The following PSMA1 variants were observed in gnomAD, a reference collection of about 807,000 sequenced individuals.
The protein encoded by PSMA1 is proteasome 20S subunit alpha 1.
A neutral mutation model predicts 38.4 loss-of-function variants in PSMA1; 3 were observed. The observed-to-expected ratio is 0.08, with a 90% CI of 0.04 to 0.20. The LOEUF (loss-of-function observed/expected upper bound fraction) is 0.20. PSMA1 is among the 10% of genes least tolerant of loss of function. The pLI is 1.00. For missense variants in PSMA1, 227 were observed against 325.3 expected, an observed-to-expected ratio of 0.70 and a Z score of 2.32; for synonymous variants, 101 against 107.1, an observed-to-expected ratio of 0.94 and a Z score of 0.35.
At chr11:14,606,598 A>G (rs116818343) in intron 2 of PSMA1, among the ~76,000 whole-genome samples, 1 of 152,222 alleles carries the variant, frequency 6.6e-6, no homozygotes, top group East Asian at 1.9e-4. Flanking sequence ...CAGTAATTGG[A>G]TGTTTCTAAT....
At chr11:14,607,865 G>A (rs564636117) in intron 2 of PSMA1, among the ~76,000 whole-genome samples, 136 of 152,292 alleles carry the variant, frequency 8.9e-4, no homozygotes, top group African/African-American at 3.2e-3. Context: ...GTCATCTTCA[G>A]TCATTGGTAG....
chr11:14,583,403 C>G (rs559534061), intron 2 of PSMA1, among the ~76,000 whole-genome samples: 1 of 152,162 alleles, frequency 6.6e-6, no homozygotes, highest in African/African-American at 2.4e-5. Context: ...GAGATGCAGA[C>G]GAGTGCCTTC....
At chr11:14,558,182 G>C (rs1216247431) in intron 2 of PSMA1, among the ~76,000 whole-genome samples, 1 of 150,632 alleles carries the variant, frequency 6.6e-6, no homozygotes, top group Non-Finnish European at 1.5e-5. Flanking sequence ...GGAGGCCACG[G>C]TGGGGGGACT....
intron 1 of PSMA1, among the ~76,000 whole-genome samples, chr11:14,638,427 A>C (rs1853137440): frequency 6.7e-6 from 1 of 149,292 alleles, no homozygotes; most frequent in Non-Finnish European, 1.5e-5. Flanking sequence ...GATGATGCTA[A>C]TGAACTAGAT....
chr11:14,565,569 G>A (rs1269861414), intron 2 of PSMA1, among the ~76,000 whole-genome samples: 1 of 152,112 alleles, frequency 6.6e-6, no homozygotes, highest in African/African-American at 2.4e-5. Context: ...AAGCCTTAGT[G>A]TATCTGCTAT....
intron 2 of PSMA1, among the ~76,000 whole-genome samples, chr11:14,571,996 G>A (rs192317596): frequency 1.3e-5 from 2 of 152,290 alleles, no homozygotes; most frequent in African/African-American, 4.8e-5. Flanking sequence ...CAATACAGGA[G>A]CACCCAGATT....
Position 14,616,231 on chromosome 11 carries a change from G to GTTTTTTTTTTTTTTTTTTTT in PSMA1, c.-165-5100_-165-5081dup, listed in dbSNP as rs34292683. ...AGGTGAGAGTTGGAGGATCCCAACA[G>GTTTTTTTTTTTTTTTTTTTT]TTTTTTTTTTTTTTTTTTTTGAGAC... On this transcript the variant is annotated intron_variant, in intron 1 of 10. Coordinates refer to the PSMA1 transcript ENST00000418988. Among the ~76,000 whole-genome samples the GTTTTTTTTTTTTTTTTTTTT allele has an allele frequency of 7.9e-5, 10 of 126,686 alleles. 1 individual carries two copies. The highest frequency in any genetic ancestry group is 8.3e-5 in the Non-Finnish European group (5 of 60,256). 83.1% of individuals were successfully genotyped at this position (126,686 alleles called of 152,430 possible).
At chr11:14,524,584 G>A (rs538118877), upstream of PSMA1, among the ~76,000 whole-genome samples, 30 of 152,046 alleles carry the variant, frequency 2.0e-4, no homozygotes, top group African/African-American at 3.4e-4. Flanking sequence ...TCCACCACCC[G>A]TTGCTGACTC....
chr11:14,526,070 T>C (rs1851582918), intron 2 of PSMA1, among the ~76,000 whole-genome samples: 2 of 152,142 alleles, frequency 1.3e-5, no homozygotes, highest in African/African-American at 4.8e-5. Context: ...TAACTCTTCA[T>C]AAAAACACAC....
intron 1 of PSMA1, among the ~76,000 whole-genome samples, chr11:14,614,886 T>C (rs1248772735): frequency 1.3e-5 from 2 of 152,234 alleles, no homozygotes; most frequent in Non-Finnish European, 1.5e-5. Context: ...GATCTTTTTC[T>C]AACTTAAACT....
intron 4 of PSMA1, among the ~76,000 whole-genome samples, 184 bp from the exon 5 acceptor site, chr11:14,514,675 T>A (rs550137483): frequency 1.6e-4 from 24 of 151,712 alleles, no homozygotes; most frequent in African/African-American, 5.8e-4. Flanking sequence ...TGGAGCCACA[T>A]AAGGTTTTTA....
chr11:14,562,364 C>T (rs1041593176), intron 2 of PSMA1, among the ~76,000 whole-genome samples: 1 of 152,196 alleles, frequency 6.6e-6, no homozygotes, highest in Non-Finnish European at 1.5e-5. Context: ...GTCTCTGTGT[C>T]TTGCAAACCA....
At chr11:14,561,830 TAAAC>T (rs1589993073) in intron 2 of PSMA1, among the ~76,000 whole-genome samples, 1 of 150,918 alleles carries the variant, frequency 6.6e-6, no homozygotes, top group East Asian at 1.9e-4. Flanking sequence ...TAAACTAAAC[TAAAC>T]TAAACTAAAC....
rs979565715 is a variant in PSMA1, at chr11:14,520,129, G to A, written c.3+168C>T. 3 of 1,099,954 alleles carry A rather than the reference G, an allele frequency of 2.7e-6. No individual in the cohort carries two copies. In the African/African-American group the frequency reaches 4.7e-5, roughly 17 times the overall value. The allele number at this position is 1,099,954 out of a possible 1,614,324, so 68.1% of individuals were successfully genotyped here. A position where few individuals can be genotyped will look rare whatever the true frequency, so the allele number is the denominator to read the frequency against. ...CCGCACTGGCTACCGATAACCCCTA[G>A]CCCGGCCAGGCCGGAGATGCTGAAT... On this transcript the variant is annotated intron_variant, in intron 1 of 9. Transcript: ENST00000396394.
At chr11:14,561,091 A>AAAAGG (rs1402031024) in intron 2 of PSMA1, among the ~76,000 whole-genome samples, 1 of 152,222 alleles carries the variant, frequency 6.6e-6, no homozygotes, top group Non-Finnish European at 1.5e-5. Context: ...CGTTGCTTAG[A>AAAAGG]AAAGGAGAAA....
intron 2 of PSMA1, among the ~76,000 whole-genome samples, chr11:14,600,473 G>GCTGCTGTCTCGCAGATCAATCTCAGA (rs1565055221): frequency 1.3e-5 from 2 of 152,326 alleles, no homozygotes; most frequent in East Asian, 3.9e-4. Context: ...CCCGAGCCAG[G>GCTGCTGTCTCGCAGATCAATCTCAGA]CTGCTGTCTC....
At chr11:14,526,750 G>A (rs1240928712) in intron 2 of PSMA1, among the ~76,000 whole-genome samples, 1 of 152,036 alleles carries the variant, frequency 6.6e-6, no homozygotes, top group African/African-American at 2.4e-5. Flanking sequence ...TGATGCACCT[G>A]ACATTCACTC....
intron 2 of PSMA1, among the ~76,000 whole-genome samples, chr11:14,566,834 T>C (rs1009010857): frequency 6.6e-6 from 1 of 152,006 alleles, no homozygotes; most frequent in Admixed American, 6.6e-5. Context: ...ACATAAATGA[T>C]AGAAGATAAC....
intron 2 of PSMA1, among the ~76,000 whole-genome samples, chr11:14,540,484 C>T (rs1288412213): frequency 6.6e-6 from 1 of 152,120 alleles, no homozygotes; most frequent in African/African-American, 2.4e-5. Context: ...TCAAAAAAGC[C>T]CTTCATTTCT....
Sources: gnomAD v4.1 joint callset for allele counts (sites outside exome capture counted in the v4.1 genomes callset) on GRCh38, gnomAD v4.1.1 for gene constraint, MANE v1.5 for transcripts, NCBI Gene and HGNC (gene_info 2026-07-23, HGNC 2026-07-21) for gene names.